The following DIAPH3 variants were observed in gnomAD, a reference collection of about 807,000 sequenced individuals.
DIAPH3 encodes the protein protein diaphanous homolog 3.
Under a neutral mutation model 144.3 loss-of-function variants are expected in DIAPH3, and 117 were observed. The ratio of observed to expected loss-of-function variants is 0.81; its 90% CI spans 0.70 to 0.95. The LOEUF (loss-of-function observed/expected upper bound fraction) is 0.95. Ranked by LOEUF, DIAPH3 falls within the 40% of genes least tolerant of loss-of-function variation. The probability of loss-of-function intolerance (pLI) is 0.00; values close to 1 mark genes in which losing one functional copy is unlikely to be tolerated. For missense variants in DIAPH3, 1,421 were observed against 1,412.7 expected (o/e 1.01, Z -0.09); for synonymous variants, 519 against 488.9 (o/e 1.06, Z -0.81).
intron 9 of DIAPH3, among the ~76,000 whole-genome samples, chr13:59,996,180 C>T (rs1034596876): frequency 6.6e-6 from 1 of 152,050 alleles, no homozygotes; most frequent in Admixed American, 6.6e-5. Flanking sequence ...GATAGAGTTA[C>T]TGTTCCAAGC....
chr13:59,881,192 T>A (rs2045015838), intron 20 of DIAPH3, among the ~76,000 whole-genome samples: 1 of 151,836 alleles, frequency 6.6e-6, no homozygotes. Flanking sequence ...CTTACCTGGA[T>A]TTTTTTTATC....
intron 27 of DIAPH3, among the ~76,000 whole-genome samples, chr13:59,705,338 C>T (rs1859867762): frequency 6.6e-6 from 1 of 152,190 alleles, no homozygotes; most frequent in Non-Finnish European, 1.5e-5. Context: ...TCTTATTACT[C>T]CCACGGTGCC....
chr13:59,780,131 G>A (rs1054552753), intron 25 of DIAPH3, among the ~76,000 whole-genome samples: 1 of 151,970 alleles, frequency 6.6e-6, no homozygotes, highest in Non-Finnish European at 1.5e-5. Flanking sequence ...ATGGTACTGT[G>A]TGCCAGGATG....
At chr13:60,041,842 A>AT (rs1369809538) in intron 5 of DIAPH3, among the ~76,000 whole-genome samples, 1 of 151,924 alleles carries the variant, frequency 6.6e-6, no homozygotes, top group Non-Finnish European at 1.5e-5. Flanking sequence ...TTCTGCTTGA[A>AT]TTTTTTCAAG....
intron 5 of DIAPH3, among the ~76,000 whole-genome samples, chr13:60,026,606 GA>G (rs200293156): frequency 3.0e-4 from 44 of 147,974 alleles, no homozygotes; most frequent in South Asian, 1.3e-3. Flanking sequence ...GCTTTAGATT[GA>G]AAAAAAAAAT....
chr13:59,971,619 A>G (rs780914753), intron 15 of DIAPH3, among the ~76,000 whole-genome samples: 3 of 152,230 alleles, frequency 2.0e-5, no homozygotes, highest in Non-Finnish European at 4.4e-5. Flanking sequence ...TTTCAACAAA[A>G]GAACTTAAAT....
At chr13:59,943,830 G>A (rs2048665323) in intron 17 of DIAPH3, among the ~76,000 whole-genome samples, 1 of 152,054 alleles carries the variant, frequency 6.6e-6, no homozygotes, top group Non-Finnish European at 1.5e-5. Flanking sequence ...AATGACCAAA[G>A]GCTTTGATTG....
rs766150651 is a variant in DIAPH3, at chr13:60,163,577, C to A, written c.180+10G>T. The stretch of plus-strand genomic sequence containing the variant: ...GGAGCGGCCCCACCCTAGCTCCAGG[C>A]GATACTCACAAACTTGGGGCGCTTC... On this transcript the variant is annotated intron_variant, in intron 1 of 27. Coordinates refer to ENST00000400324, the MANE Select transcript of DIAPH3 (RefSeq NM_001042517.2). 26 of 1,578,388 alleles carry A rather than the reference C, an allele frequency of 1.6e-5. No individual in the cohort carries two copies. The highest frequency in any genetic ancestry group is 1.6e-4 in the South Asian group (14 of 86,410).
At chr13:59,826,100 A>G (rs1488789033) in intron 24 of DIAPH3, among the ~76,000 whole-genome samples, 3 of 152,150 alleles carry the variant, frequency 2.0e-5, no homozygotes, top group Admixed American at 1.3e-4. Context: ...AACTGGAAGC[A>G]TTCCCTTTGA....
intron 1 of DIAPH3, among the ~76,000 whole-genome samples, chr13:60,162,593 T>C (rs1952344526): frequency 6.6e-6 from 1 of 152,216 alleles, no homozygotes; most frequent in Admixed American, 6.5e-5. Flanking sequence ...AATTAATCTA[T>C]GCTGTTTCTC....
intron 17 of DIAPH3, among the ~76,000 whole-genome samples, chr13:59,938,237 A>C (rs1197311632): frequency 1.3e-5 from 2 of 152,130 alleles, no homozygotes; most frequent in African/African-American, 4.8e-5. Flanking sequence ...AATTTTTATT[A>C]ATCTGGGCTG....
intron 27 of DIAPH3, among the ~76,000 whole-genome samples, chr13:59,728,829 G>C (rs75273288): frequency 0.043 from 6,484 of 152,210 alleles, 232 homozygotes; most frequent in South Asian, 0.11. Flanking sequence ...TATGGAAGTA[G>C]AAAATTGTAT....
intron 25 of DIAPH3, among the ~76,000 whole-genome samples, chr13:59,793,560 T>C (rs2039431043): frequency 6.6e-6 from 1 of 152,188 alleles, no homozygotes; most frequent in Non-Finnish European, 1.5e-5. Context: ...GTCTCTTCCT[T>C]GGGCTTCATG....
chr13:59,783,608 TC>T (rs2038868854), intron 25 of DIAPH3, among the ~76,000 whole-genome samples: 2 of 152,198 alleles, frequency 1.3e-5, no homozygotes, highest in South Asian at 4.1e-4. Flanking sequence ...TCTGAATTCA[TC>T]CATTTAGATT....
At chr13:59,952,721 G>A (rs2049164869) in intron 17 of DIAPH3, among the ~76,000 whole-genome samples, 8 of 152,074 alleles carry the variant, frequency 5.3e-5, no homozygotes, top group Admixed American at 5.2e-4. Flanking sequence ...GAGTTAATTG[G>A]AATCTAGATC....
chr13:59,736,965 C>A (rs74626667), intron 27 of DIAPH3, among the ~76,000 whole-genome samples: 2,159 of 152,208 alleles, frequency 0.014, 75 homozygotes, highest in East Asian at 0.12. Context: ...AAAATTGAAA[C>A]TGGACCCCTT....
chr13:59,749,542 C>T (rs540540811), intron 27 of DIAPH3, among the ~76,000 whole-genome samples: 1 of 135,598 alleles, frequency 7.4e-6, no homozygotes, highest in Admixed American at 7.2e-5. Flanking sequence ...AAAAAAAAAG[C>T]CAAATATTTT....
chr13:59,850,033 C>T (rs1163341903), intron 22 of DIAPH3, among the ~76,000 whole-genome samples: 2 of 141,750 alleles, frequency 1.4e-5, no homozygotes, highest in Admixed American at 7.1e-5. Flanking sequence ...AGGTCCTTCA[C>T]ATCCCTTGTA....
intron 27 of DIAPH3, among the ~76,000 whole-genome samples, chr13:59,757,327 T>TA (rs11357102): frequency 6.8e-5 from 10 of 146,136 alleles, no homozygotes; most frequent in South Asian, 4.3e-4. Context: ...TATATAATGG[T>TA]AAAAAAAAAT....
Sources: allele counts gnomAD v4.1 joint callset (sites outside exome capture counted in the v4.1 genomes callset), GRCh38; gene constraint gnomAD v4.1.1; transcripts MANE v1.5; gene names NCBI Gene and HGNC (gene_info 2026-07-23, HGNC 2026-07-21).